The following ASTN2 variants were observed in gnomAD, a reference collection of about 807,000 sequenced individuals.
The protein encoded by ASTN2 is astrotactin 2.
A neutral mutation model predicts 139.8 loss-of-function variants in ASTN2; 54 were observed. The ratio of observed to expected loss-of-function variants is 0.39; its 90% confidence interval spans 0.31 to 0.48. The LOEUF (loss-of-function observed/expected upper bound fraction) is 0.48. Ranked by LOEUF, ASTN2 falls within the 20% of genes least tolerant of loss-of-function variation. The pLI, the probability that ASTN2 is intolerant of heterozygous loss-of-function variation, is 0.95. For synonymous variants in ASTN2, 756 were observed against 719.5 expected, an observed-to-expected ratio of 1.05 and a Z score of -0.81; for missense variants, 1,565 against 1,725.1, an observed-to-expected ratio of 0.91 and a Z score of 1.64.
chr9:117,120,010 GTGTGTGTGTATATATATA>G (rs759799527), intron 4 of ASTN2, among the ~76,000 whole-genome samples: 14 of 33,712 alleles, frequency 4.2e-4, no homozygotes, highest in South Asian at 1.4e-3. Context: ...GTGTGTGTGT[GTGTGTGTGTATATATATA>G]TATATATATA....
At chr9:116,996,523 T>C (rs1837020919) in intron 7 of ASTN2, among the ~76,000 whole-genome samples, 1 of 152,030 alleles carries the variant, frequency 6.6e-6, no homozygotes, top group Non-Finnish European at 1.5e-5. Context: ...AGTCACTTCC[T>C]TGAGGAAGTG....
chr9:117,085,924 G>T (rs915834773), intron 5 of ASTN2, among the ~76,000 whole-genome samples: 6 of 152,120 alleles, frequency 3.9e-5, no homozygotes, highest in Non-Finnish European at 8.8e-5. Context: ...ACAAATTCAA[G>T]CTTCCCTTAA....
intron 1 of ASTN2, among the ~76,000 whole-genome samples, chr9:117,401,304 C>T (rs545147223): frequency 6.6e-6 from 1 of 152,108 alleles, no homozygotes; most frequent in African/African-American, 2.4e-5. Flanking sequence ...CCTCCAAATA[C>T]CTGTCAGGTA....
intron 5 of ASTN2, among the ~76,000 whole-genome samples, chr9:117,048,962 G>GTTTTTTTTTTTTTT (rs1838828395): frequency 2.0e-5 from 1 of 50,320 alleles, no homozygotes; most frequent in African/African-American, 7.2e-5. Context: ...TTCATCCATT[G>GTTTTTTTTTTTTTT]CTTTTTTTTT....
At chr9:116,461,448 G>A (rs1848484831) in intron 20 of ASTN2, among the ~76,000 whole-genome samples, 2 of 152,004 alleles carry the variant, frequency 1.3e-5, no homozygotes, top group Non-Finnish European at 2.9e-5. Context: ...ATATATAGGT[G>A]TATACTTGTT....
intron 3 of ASTN2, among the ~76,000 whole-genome samples, chr9:117,153,368 C>T (rs923520312): frequency 5.3e-5 from 8 of 152,106 alleles, no homozygotes; most frequent in African/African-American, 1.9e-4. Context: ...ATGAGAACAA[C>T]ACTTCATTCT....
chr9:116,733,350 T>C (rs1828838006), intron 14 of ASTN2, 49 bp downstream of exon 14: 6 of 1,543,316 alleles, frequency 3.9e-6, no homozygotes, highest in South Asian at 1.2e-5. Flanking sequence ...GTGTGGAGAC[T>C]CGGTGTGTGG....
chr9:116,537,468 T>C (rs1025890641), intron 19 of ASTN2, among the ~76,000 whole-genome samples: 1 of 152,220 alleles, frequency 6.6e-6, no homozygotes, highest in Non-Finnish European at 1.5e-5. Flanking sequence ...CCTATGGACA[T>C]TATATGAGAC....
intron 16 of ASTN2, among the ~76,000 whole-genome samples, chr9:116,657,583 G>A (rs528716974): frequency 6.6e-6 from 1 of 152,346 alleles, no homozygotes; most frequent in African/African-American, 2.4e-5. Flanking sequence ...GCTCACGCCT[G>A]TAATCCCAAT....
intron 13 of ASTN2, among the ~76,000 whole-genome samples, chr9:116,748,705 C>T (rs1361002994): frequency 6.6e-6 from 1 of 152,146 alleles, no homozygotes; most frequent in Non-Finnish European, 1.5e-5. Flanking sequence ...AGGCGACTGA[C>T]TCTCCCTGAA....
At chr9:116,831,214 G>A (rs1831805553) in intron 11 of ASTN2, among the ~76,000 whole-genome samples, 2 of 152,118 alleles carry the variant, frequency 1.3e-5, no homozygotes, top group Non-Finnish European at 2.9e-5. Flanking sequence ...TGGAAGGGTG[G>A]GAAGAGTATG....
intron 19 of ASTN2, among the ~76,000 whole-genome samples, chr9:116,594,572 G>A (rs1288785954): frequency 6.6e-6 from 1 of 152,114 alleles, no homozygotes; most frequent in Non-Finnish European, 1.5e-5. Context: ...ACTGACATTC[G>A]ATTTTGCAGT....
chr9:116,947,589 T>G (rs1005145689), intron 10 of ASTN2, among the ~76,000 whole-genome samples: 14 of 152,192 alleles, frequency 9.2e-5, no homozygotes, highest in African/African-American at 2.4e-4. Flanking sequence ...TGGTCCAAAT[T>G]TAGCTAGCAG....
chr9:116,976,262 C>A, intron 8 of ASTN2, 74 bp from the exon 9 acceptor site: 1 of 1,236,212 alleles, frequency 8.1e-7, no homozygotes, highest in South Asian at 1.2e-5. Flanking sequence ...GGACACTGCT[C>A]TAGAGTAGCT....
intron 2 of ASTN2, among the ~76,000 whole-genome samples, chr9:117,225,299 A>G (rs1425940743): frequency 6.6e-6 from 1 of 151,700 alleles, no homozygotes; most frequent in Non-Finnish European, 1.5e-5. Context: ...ATCCCACTAC[A>G]TGTCCTCAGG....
At chr9:117,352,530 G>T (rs1371604594) in intron 1 of ASTN2, among the ~76,000 whole-genome samples, 1 of 152,156 alleles carries the variant, frequency 6.6e-6, no homozygotes, top group East Asian at 1.9e-4. Flanking sequence ...CAATGCACAG[G>T]GATTGAGGCA....
intron 1 of ASTN2, among the ~76,000 whole-genome samples, chr9:117,409,766 G>A (rs1831110655): frequency 6.6e-6 from 1 of 152,160 alleles, no homozygotes; most frequent in African/African-American, 2.4e-5. Flanking sequence ...CTCCCAAGTA[G>A]CCACCACACT....
chr9:116,623,157 G>C (rs1453176622), intron 17 of ASTN2, among the ~76,000 whole-genome samples: 1 of 27,516 alleles, frequency 3.6e-5, no homozygotes, highest in Non-Finnish European at 7.7e-5. Flanking sequence ...CTGTGTGTGT[G>C]TGTGTGTGTG....
chr9:116,784,099 A>G (rs1012669407), intron 13 of ASTN2, among the ~76,000 whole-genome samples: 1 of 152,242 alleles, frequency 6.6e-6, no homozygotes, highest in Non-Finnish European at 1.5e-5. Context: ...CACAGATAAG[A>G]AAAATGAAGC....
Sources: gnomAD v4.1 joint callset for allele counts (sites outside exome capture counted in the v4.1 genomes callset) on GRCh38, gnomAD v4.1.1 for gene constraint, MANE v1.5 for transcripts, NCBI Gene and HGNC (gene_info 2026-07-23, HGNC 2026-07-21) for gene names.